Variants in SLC9A8 observed in about 807,000 individuals in gnomAD.
SLC9A8 encodes sodium/hydrogen exchanger 8.
Under a neutral mutation model 66.6 loss-of-function variants are expected in SLC9A8, and 48 were observed. The observed-to-expected ratio is 0.72, with a 90% CI of 0.57 to 0.92. The LOEUF is 0.92. SLC9A8 is among the 40% of genes least tolerant of loss of function. The pLI is 0.00. For synonymous variants in SLC9A8, 274 were observed against 282.6 expected, an observed-to-expected ratio of 0.97 and a Z score of 0.31; for missense variants, 599 against 747.3, an observed-to-expected ratio of 0.80 and a Z score of 2.31.
chr20:49,884,336 A>ACACC (rs1568884621), intron 14 of SLC9A8, among the ~76,000 whole-genome samples: 12 of 108,504 alleles, frequency 1.1e-4, no homozygotes, highest in Non-Finnish European at 1.9e-4. Context: ...ACACACACAC[A>ACACC]CCCCCCGGTC....
intron 8 of SLC9A8, among the ~76,000 whole-genome samples, chr20:49,858,866 G>A (rs1387083712): frequency 6.6e-6 from 1 of 151,898 alleles, no homozygotes; most frequent in African/African-American, 2.4e-5. Context: ...GCTGAGGCAG[G>A]AGGATTGCTT....
chr20:49,882,328 C>T (rs1356252730), intron 13 of SLC9A8, among the ~76,000 whole-genome samples: 1 of 152,210 alleles, frequency 6.6e-6, no homozygotes, highest in Non-Finnish European at 1.5e-5. Context: ...GGAGGGGAGG[C>T]GTCCGCCCCC....
intron 3 of SLC9A8, among the ~76,000 whole-genome samples, chr20:49,833,173 G>T (rs1258996149): frequency 6.6e-6 from 1 of 152,162 alleles, no homozygotes; most frequent in Non-Finnish European, 1.5e-5. Context: ...GAAAGTGCTG[G>T]GATTACAGGT....
chr20:49,887,592 T>C (rs2089936942), intron 15 of SLC9A8, among the ~76,000 whole-genome samples: 1 of 152,148 alleles, frequency 6.6e-6, no homozygotes, highest in African/African-American at 2.4e-5. Flanking sequence ...AGAGACCACA[T>C]GTTCAGCCTC....
At chr20:49,819,761 C>T (rs6020067) in intron 2 of SLC9A8, among the ~76,000 whole-genome samples, 62 of 152,234 alleles carry the variant, frequency 4.1e-4, no homozygotes, top group African/African-American at 1.1e-3. Flanking sequence ...AGGAATTTGC[C>T]TATTTAGAAT....
intron 12 of SLC9A8, among the ~76,000 whole-genome samples, chr20:49,880,347 A>G (rs1449676515): frequency 6.6e-6 from 1 of 152,070 alleles, no homozygotes; most frequent in Non-Finnish European, 1.5e-5. Context: ...AGAGGAACCA[A>G]AAGCCACAGC....
intron 3 of SLC9A8, among the ~76,000 whole-genome samples, chr20:49,838,020 TATAA>T (rs1380119354): frequency 6.7e-6 from 1 of 150,000 alleles, no homozygotes; most frequent in Non-Finnish European, 1.5e-5. Context: ...ATAAATTTTA[TATAA>T]ATAAATACAC....
chr20:49,834,430 A>G (rs2087430965), intron 3 of SLC9A8, among the ~76,000 whole-genome samples: 6 of 34,226 alleles, frequency 1.8e-4, no homozygotes, highest in Admixed American at 2.7e-4. Flanking sequence ...GTATATATAT[A>G]CTGTATATAT....
rs1314286357 is a variant in SLC9A8, at chr20:49,845,080, TC to T, written c.398del (p.Pro133LeufsTer36). The T allele has an allele frequency of 1.2e-6, 2 of 1,613,356 alleles. No homozygotes were observed. Among genetic ancestry groups the T allele is most frequent in the African/African-American group, 2.7e-5 (2 of 74,920 alleles). On this transcript the variant is annotated frameshift_variant, in exon 5 of 16. Coordinates refer to ENST00000361573, the MANE Select transcript of SLC9A8 (RefSeq NM_015266.3). LOFTEE classifies it high-confidence loss of function. ...CAAACATGTTTTTCCTCCTCCTGCT[TC>T]CCCCTATTATCTTTGAGTCTGGATA... ...RPNMFFLLLL[P>X]PIIFESGYSL...
intron 3 of SLC9A8, among the ~76,000 whole-genome samples, chr20:49,827,680 A>C (rs2086968661): frequency 6.6e-6 from 1 of 152,076 alleles, no homozygotes; most frequent in Admixed American, 6.6e-5. Context: ...ATAATACCAA[A>C]GACAGGAGTT....
At chr20:49,834,995 C>T (rs539513900) in intron 3 of SLC9A8, among the ~76,000 whole-genome samples, 1 of 152,262 alleles carries the variant, frequency 6.6e-6, no homozygotes, top group African/African-American at 2.4e-5. Context: ...ATTTCTTGCC[C>T]ACTATGTTGG....
intron 14 of SLC9A8, 150 bp downstream of exon 14, chr20:49,884,216 A>G (rs2089741944): frequency 1.2e-5 from 4 of 340,444 alleles, no homozygotes; most frequent in Non-Finnish European, 2.1e-5. Flanking sequence ...ACACACACAC[A>G]CACACACACA....
rs542234 is a variant in SLC9A8 at position 49,874,721 on chromosome 20, T to G, written c.975T>G (p.Leu325=). 0.8 allele frequency: 1,284,223 copies of G among 1,605,052 alleles called. 514,668 individuals carry two copies. Among genetic ancestry groups the G allele is most frequent in the East Asian group, 0.86 (38,402 of 44,808 alleles). The change falls in exon 11 of 16, where the codon CTT becomes CTG. Residue 325 remains leucine (L), a synonymous_variant. Coordinates refer to ENST00000361573, the MANE Select transcript of SLC9A8 (RefSeq NM_015266.3). ...CCTCTCTAGGCATCATGGCCATCCT[T>G]TTCTCAGGCATCGTGATGTCCCACT... ...GISLSGIMAI[L]FSGIVMSHYT...
intron 14 of SLC9A8, among the ~76,000 whole-genome samples, chr20:49,884,756 G>A (rs1400646270): frequency 1.3e-5 from 2 of 152,098 alleles, no homozygotes; most frequent in Non-Finnish European, 2.9e-5. Flanking sequence ...CTGAGGTTCT[G>A]CAGCCTGCCC....
intron 11 of SLC9A8, among the ~76,000 whole-genome samples, chr20:49,876,749 A>G (rs991435022): frequency 6.6e-6 from 1 of 152,180 alleles, no homozygotes; most frequent in Non-Finnish European, 1.5e-5. Context: ...GAGCAAATGG[A>G]TACCGTGATG....
intron 3 of SLC9A8, among the ~76,000 whole-genome samples, chr20:49,827,277 T>C (rs2146488123): frequency 6.6e-6 from 1 of 151,532 alleles, no homozygotes; most frequent in South Asian, 2.1e-4. Context: ...TAATGCTGAT[T>C]CATGTATATA....
Position 49,863,055 on chromosome 20 carries a change from A to G in SLC9A8, c.840A>G (p.Leu280=). Residue 280 remains leucine, a synonymous_variant, in exon 9 of 16, where the codon TTA becomes TTG. Transcript: ENST00000361573. ...CAGCGCTCGGCACTCTCACTGGCTTAATTTCTGCATTAATATCCTTTTAAT... is the reference window on the plus strand; with the variant it reads ...CAGCGCTCGGCACTCTCACTGGCTTGATTTCTGCATTAATATCCTTTTAAT... The part of the protein sequence containing the change: ...GSAALGTLTG[L]ISALVLKHID... 8 of 1,612,890 alleles carry G rather than the reference A, an allele frequency of 5.0e-6. No homozygotes were observed. In the South Asian group the frequency reaches 7.7e-5, roughly 16 times the overall value.
Position 49,845,112 on chromosome 20 carries a change from T to C in SLC9A8, c.425T>C (p.Leu142Ser). ...PPIIFESGYSLHKGNFFQNIG... is the reference protein window; with the variant it reads ...PPIIFESGYSSHKGNFFQNIG... ...ATTATCTTTGAGTCTGGATATTCAT[T>C]ACACAAGGTGAGACTCAGGCACACA... Residue 142 changes from leucine (L) to serine (S), a missense_variant, in exon 5 of 16, where the codon TTA (leucine) becomes TCA (serine). Coordinates refer to ENST00000361573, the MANE Select transcript of SLC9A8 (RefSeq NM_015266.3). 6.2e-7 allele frequency: 1 copy of C among 1,610,404 alleles called. No individual in the cohort carries two copies. The highest frequency in any genetic ancestry group is 8.5e-7 in the Non-Finnish European group (1 of 1,176,560).
intron 3 of SLC9A8, among the ~76,000 whole-genome samples, chr20:49,834,165 CTCTCTCTCTCTCTCTCTCTCTA>C (rs1411568762): frequency 1.8e-4 from 10 of 56,632 alleles, no homozygotes; most frequent in Non-Finnish European, 3.3e-4. Flanking sequence ...CTCTCTCTCT[CTCTCTCTCTCTCTCTCTCTCTA>C]TATATATATA....
Sources: allele counts gnomAD v4.1 joint callset (sites outside exome capture counted in the v4.1 genomes callset), GRCh38; gene constraint gnomAD v4.1.1; transcripts MANE v1.5; gene names NCBI Gene and HGNC (gene_info 2026-07-23, HGNC 2026-07-21).